MLIP: variants seen among roughly 807,000 people sequenced by gnomAD.
The protein encoded by MLIP is muscular LMNA-interacting protein.
A neutral mutation model predicts 84.8 loss-of-function variants in MLIP; 79 were observed. The ratio of observed to expected loss-of-function variants is 0.93; its 90% CI spans 0.78 to 1.12. MLIP has a LOEUF of 1.12. Among genes scored for constraint, MLIP ranks in the 50% most tolerant of loss-of-function variants. The pLI is 0.00. For synonymous variants in MLIP, 504 were observed against 463.0 expected (o/e 1.09, Z -1.14); for missense variants, 1,257 against 1,160.6 (o/e 1.08, Z -1.21).
At chr6:54,261,939 T>C (rs1783418761) in intron 13 of MLIP, among the ~76,000 whole-genome samples, 1 of 152,006 alleles carries the variant, frequency 6.6e-6, no homozygotes, top group Admixed American at 6.6e-5. Context: ...TATTACCTGT[T>C]GATTAAAAGA....
At chr6:54,157,604 A>T (rs983031534) in intron 5 of MLIP, among the ~76,000 whole-genome samples, 1 of 152,036 alleles carries the variant, frequency 6.6e-6, no homozygotes, top group Non-Finnish European at 1.5e-5. Flanking sequence ...AGTATATGTG[A>T]CTAACAAACT....
At chr6:54,078,107 G>T (rs1291051545) in intron 1 of MLIP, among the ~76,000 whole-genome samples, 1 of 152,156 alleles carries the variant, frequency 6.6e-6, no homozygotes, top group Non-Finnish European at 1.5e-5. Flanking sequence ...TACCTCCCCT[G>T]ACGGGCAGGA....
chr6:54,046,412 C>T (rs961661046), intron 1 of MLIP: 1 of 151,886 alleles, frequency 6.6e-6, no homozygotes, highest in African/African-American at 2.4e-5. Context: ...TCTAAGACTT[C>T]TTCTACTACT....
At chr6:54,255,167 T>C (rs1782924759) in intron 12 of MLIP, among the ~76,000 whole-genome samples, 1 of 152,164 alleles carries the variant, frequency 6.6e-6, no homozygotes, top group South Asian at 2.1e-4. Context: ...CTGCTTCTTT[T>C]TCCTGCATAA....
Position 54,136,896 on chromosome 6 carries a change from C to G in MLIP, c.827C>G (p.Thr276Arg), listed in dbSNP as rs1192526006. The G allele has an allele frequency of 2.6e-6, 4 of 1,535,428 alleles. No individual in the cohort carries two copies. In the East Asian group the frequency reaches 9.8e-5, roughly 38 times the overall value. ...VGGAVVEESA[T>R]YFQTTAHSTP... ...GGGGCCGTGGTGGAAGAATCAGCTA[C>G]GTATTTTCAAACTACCGCTCACTCT... Residue 276 changes from threonine (T) to arginine (R), a missense_variant, in exon 4 of 14, where the codon ACG (threonine) becomes AGG (arginine). Coordinates refer to ENST00000502396, the MANE Select transcript of MLIP (RefSeq NM_001281747.2).
intron 11 of MLIP, among the ~76,000 whole-genome samples, chr6:54,227,563 A>C (rs568629917): frequency 6.6e-6 from 1 of 152,330 alleles, no homozygotes; most frequent in Admixed American, 6.5e-5. Context: ...ATTGAGGACA[A>C]AAAGAAATCC....
upstream of MLIP, among the ~76,000 whole-genome samples, chr6:54,107,702 C>A (rs1769118764): frequency 6.6e-6 from 1 of 152,210 alleles, no homozygotes; most frequent in Non-Finnish European, 1.5e-5. Context: ...CTGCTCCCGT[C>A]ACGAGTGAAG....
chr6:54,139,136 TG>T (rs1772078347), intron 4 of MLIP, among the ~76,000 whole-genome samples: 1 of 152,164 alleles, frequency 6.6e-6, no homozygotes, highest in East Asian at 1.9e-4. Context: ...CTTTAGAGTG[TG>T]TGTGGTTTCT....
At chr6:54,144,732 C>A (rs1772628962) in intron 4 of MLIP, among the ~76,000 whole-genome samples, 1 of 152,178 alleles carries the variant, frequency 6.6e-6, no homozygotes, top group African/African-American at 2.4e-5. Context: ...CCTGATTTAC[C>A]ACACTTAAAG....
intron 11 of MLIP, chr6:54,216,538 C>T: frequency 2.0e-6 from 2 of 985,050 alleles, no homozygotes; most frequent in African/African-American, 1.7e-5. Context: ...TGCTGTCAGA[C>T]AACCATACAC....
chr6:54,192,741 G>T (rs748649457), intron 10 of MLIP, among the ~76,000 whole-genome samples: 7 of 151,976 alleles, frequency 4.6e-5, no homozygotes, highest in Non-Finnish European at 8.8e-5. Context: ...ATGTATGGAT[G>T]TATAACGCAT....
chr6:54,257,437 TA>T, intron 13 of MLIP, 76 bp downstream of exon 13: 1 of 1,137,144 alleles, frequency 8.8e-7, no homozygotes, highest in South Asian at 1.4e-5. Flanking sequence ...CTTATTTTTT[TA>T]ATGTTAACAA....
chr6:54,142,006 A>G (rs111724838), intron 4 of MLIP, among the ~76,000 whole-genome samples: 1,563 of 152,328 alleles, frequency 0.01, 34 homozygotes, highest in African/African-American at 0.035. Flanking sequence ...AGACATCAAA[A>G]CATTCCCAAA....
chr6:54,142,149 G>A (rs1772370879), intron 4 of MLIP, among the ~76,000 whole-genome samples: 1 of 152,214 alleles, frequency 6.6e-6, no homozygotes, highest in Admixed American at 6.5e-5. Flanking sequence ...CTGGGTTCAA[G>A]CAAATCAGTC....
chr6:54,110,011 C>A (rs1335281669), upstream of MLIP, among the ~76,000 whole-genome samples: 2 of 97,344 alleles, frequency 2.1e-5, no homozygotes, highest in Non-Finnish European at 4.1e-5. Context: ...TTGACGGAGT[C>A]TCGCTGTGTC....
intron 1 of MLIP, among the ~76,000 whole-genome samples, chr6:54,115,852 G>A (rs990430194): frequency 2.6e-5 from 4 of 152,200 alleles, no homozygotes; most frequent in Non-Finnish European, 5.9e-5. Context: ...GTGCAGGAGT[G>A]TGAGAGAAAA....
At chr6:54,123,111 A>AT (rs1227113499) in intron 2 of MLIP, among the ~76,000 whole-genome samples, 3 of 140,238 alleles carry the variant, frequency 2.1e-5, no homozygotes, top group Non-Finnish European at 4.6e-5. Flanking sequence ...TTTTTTTTGT[A>AT]TTTTTAGTAG....
At chr6:54,088,846 A>G (rs1261826889) in intron 1 of MLIP, among the ~76,000 whole-genome samples, 1 of 152,180 alleles carries the variant, frequency 6.6e-6, no homozygotes, top group Non-Finnish European at 1.5e-5. Context: ...GATAATGAAT[A>G]AATAAATTAA....
At chr6:54,231,633 C>T (rs776709741) in intron 12 of MLIP, among the ~76,000 whole-genome samples, 32 of 152,136 alleles carry the variant, frequency 2.1e-4, no homozygotes, top group Non-Finnish European at 2.4e-4. Context: ...TAAGGGCATC[C>T]TGGCTAGTAC....
Sources: allele counts gnomAD v4.1 joint callset (sites outside exome capture counted in the v4.1 genomes callset), GRCh38; gene constraint gnomAD v4.1.1; transcripts MANE v1.5; gene names NCBI Gene and HGNC (gene_info 2026-07-23, HGNC 2026-07-21).